Variants in CHCHD6 observed in about 807,000 individuals in gnomAD.
CHCHD6 encodes the protein coiled-coil-helix-coiled-coil-helix domain containing 6.
Under a neutral mutation model 32.3 loss-of-function variants are expected in CHCHD6, and 28 were observed. That is an observed-to-expected ratio of 0.87 (90% confidence interval 0.64 to 1.19). The LOEUF (loss-of-function observed/expected upper bound fraction) is 1.19, where lower values mean the gene tolerates loss of function less well. CHCHD6 is among the 50% of genes most tolerant of loss of function. CHCHD6 has a pLI of 0.00. For synonymous variants in CHCHD6, 122 were observed against 117.5 expected (o/e 1.04, Z -0.25); for missense variants, 333 against 307.0 (o/e 1.08, Z -0.63).
intron 4 of CHCHD6, chr3:126,767,110 C>T (rs1382174372): frequency 3.4e-5 from 49 of 1,435,046 alleles, no homozygotes; most frequent in East Asian, 2.0e-4. Context: ...ACTTCCCATC[C>T]GAGTTGTGTC....
chr3:126,789,015 T>C (rs1038788358), intron 4 of CHCHD6, among the ~76,000 whole-genome samples: 5 of 152,162 alleles, frequency 3.3e-5, no homozygotes, highest in Non-Finnish European at 5.9e-5. Flanking sequence ...GATTCTGGTG[T>C]GTTGTGTCTT....
At chr3:126,894,588 C>T (rs955144251) in intron 5 of CHCHD6, among the ~76,000 whole-genome samples, 4 of 152,196 alleles carry the variant, frequency 2.6e-5, no homozygotes, top group African/African-American at 9.7e-5. Context: ...TCTGTGTGTG[C>T]TCAACCCTCA....
At chr3:126,805,762 G>A (rs1245742790) in intron 4 of CHCHD6, among the ~76,000 whole-genome samples, 4 of 152,160 alleles carry the variant, frequency 2.6e-5, no homozygotes, top group Non-Finnish European at 4.4e-5. Context: ...TAAGCCAAAA[G>A]AACAAAGTTG....
chr3:126,819,174 G>C (rs1360795215), intron 4 of CHCHD6, among the ~76,000 whole-genome samples: 1 of 152,146 alleles, frequency 6.6e-6, no homozygotes, highest in Non-Finnish European at 1.5e-5. Flanking sequence ...CTGGTTTCTG[G>C]CTTTTTTTCC....
At chr3:126,804,644 T>C (rs1350399703) in intron 4 of CHCHD6, among the ~76,000 whole-genome samples, 2 of 152,184 alleles carry the variant, frequency 1.3e-5, no homozygotes, top group Non-Finnish European at 1.5e-5. Context: ...GTACCATTCC[T>C]TCTGAAACTA....
rs140543478 is a variant in CHCHD6 at position 126,719,830 on chromosome 3, T to G, written c.88-7248T>G. 8.3e-4 allele frequency among the ~76,000 whole-genome samples: 127 copies of G among 152,186 alleles called. 1 individual carries two copies. The highest frequency in any genetic ancestry group is 2.9e-3 in the African/African-American group (120 of 41,540). On this transcript the variant is annotated intron_variant, in intron 1 of 7. Coordinates refer to ENST00000290913, the MANE Select transcript of CHCHD6 (RefSeq NM_032343.3). The stretch of plus-strand genomic sequence containing the variant: ...TACCGCTCCCTTGTCTGTTTGCCTC[T>G]GGATGGGGTGCTTCCTCTGCTCCTT...
At chr3:126,709,288 TGTC>T (rs1934643994) in intron 1 of CHCHD6, among the ~76,000 whole-genome samples, 1 of 152,262 alleles carries the variant, frequency 6.6e-6, no homozygotes, top group South Asian at 2.1e-4. Flanking sequence ...GGTTCATTGA[TGTC>T]GTAGTATATA....
At chr3:126,792,335 C>G (rs1007315459) in intron 4 of CHCHD6, among the ~76,000 whole-genome samples, 4 of 150,354 alleles carry the variant, frequency 2.7e-5, no homozygotes, top group African/African-American at 9.8e-5. Context: ...TGTATTAAAC[C>G]TTTTGAGAAA....
intron 5 of CHCHD6, among the ~76,000 whole-genome samples, chr3:126,866,432 C>G (rs1331853514): frequency 1.3e-5 from 2 of 152,204 alleles, no homozygotes; most frequent in African/African-American, 4.8e-5. Context: ...TAATTTGTTA[C>G]AGCCTTGAAC....
chr3:126,711,323 G>A (rs968889786), intron 1 of CHCHD6, among the ~76,000 whole-genome samples: 1 of 152,178 alleles, frequency 6.6e-6, no homozygotes, highest in Admixed American at 6.5e-5. Flanking sequence ...AGACCTGTTC[G>A]GGATGTGTGC....
At chr3:126,862,329 C>T (rs1244291843) in intron 5 of CHCHD6, among the ~76,000 whole-genome samples, 3 of 140,294 alleles carry the variant, frequency 2.1e-5, no homozygotes, top group African/African-American at 5.3e-5. Context: ...CCTCCTCCTC[C>T]ACCATCACCT....
At chr3:126,729,779 T>G (rs114208727) in intron 2 of CHCHD6, among the ~76,000 whole-genome samples, 1 of 152,140 alleles carries the variant, frequency 6.6e-6, no homozygotes, top group Non-Finnish European at 1.5e-5. Context: ...CTGGTTCTTA[T>G]GTTATGCTCT....
At chr3:126,715,836 G>A (rs1934985687) in intron 1 of CHCHD6, among the ~76,000 whole-genome samples, 1 of 152,028 alleles carries the variant, frequency 6.6e-6, no homozygotes, top group Non-Finnish European at 1.5e-5. Flanking sequence ...GTTTTCCCAA[G>A]GCCGTGGATA....
At position 126,777,087 on chromosome 3, in the gene CHCHD6, C is replaced by G. The variant is rs1045001319; in HGVS notation, c.411+43865C>G. ...GACTTCACCTGCCACACCAGCCATTCTCGTCCCATGCTACTCTGCCAGTCA... is the reference window on the plus strand; with the variant it reads ...GACTTCACCTGCCACACCAGCCATTGTCGTCCCATGCTACTCTGCCAGTCA... On this transcript the variant is annotated intron_variant, in intron 4 of 7. Coordinates refer to ENST00000290913, the MANE Select transcript of CHCHD6 (RefSeq NM_032343.3). Among the ~76,000 whole-genome samples, 3 of 152,214 alleles carry G rather than the reference C, an allele frequency of 2.0e-5. No individual in the cohort carries two copies. The East Asian group carries it at 5.8e-4, about 29-fold the overall frequency.
intron 6 of CHCHD6, among the ~76,000 whole-genome samples, chr3:126,953,428 G>T (rs2078743674): frequency 1.3e-5 from 2 of 152,158 alleles, no homozygotes. Context: ...GCCCTACGTT[G>T]GCAGTTCCAC....
At chr3:126,772,007 A>G (rs577649258) in intron 4 of CHCHD6, among the ~76,000 whole-genome samples, 7 of 150,130 alleles carry the variant, frequency 4.7e-5, no homozygotes, top group Non-Finnish European at 1.0e-4. Flanking sequence ...GGTCTTGAGT[A>G]TCTTTGTTAA....
At chr3:126,940,636 C>T (rs1260062751) in intron 6 of CHCHD6, among the ~76,000 whole-genome samples, 1 of 152,074 alleles carries the variant, frequency 6.6e-6, no homozygotes, top group Non-Finnish European at 1.5e-5. Context: ...ACCTGCTAAC[C>T]CTTCAAAAGA....
At chr3:126,779,477 C>T (rs1002260791) in intron 4 of CHCHD6, among the ~76,000 whole-genome samples, 2 of 136,174 alleles carry the variant, frequency 1.5e-5, no homozygotes, top group African/African-American at 5.6e-5. Flanking sequence ...GTGGAGGTTG[C>T]GGTAAGCCGA....
intron 5 of CHCHD6, among the ~76,000 whole-genome samples, chr3:126,880,198 A>C (rs1290165583): frequency 6.6e-6 from 1 of 152,160 alleles, no homozygotes; most frequent in Non-Finnish European, 1.5e-5. Flanking sequence ...TCAGTGATGG[A>C]AACTCACAGA....
Sources: gnomAD v4.1 joint callset for allele counts (sites outside exome capture counted in the v4.1 genomes callset) on GRCh38, gnomAD v4.1.1 for gene constraint, MANE v1.5 for transcripts, NCBI Gene and HGNC (gene_info 2026-07-23, HGNC 2026-07-21) for gene names.